The following GRK4 variants were observed in gnomAD, a reference collection of about 807,000 sequenced individuals.
GRK4 encodes the protein G protein-coupled receptor kinase 4.
In GRK4, 73 loss-of-function variants were observed where a neutral mutation model predicts 77.9. The ratio of observed to expected loss-of-function variants is 0.94; its 90% CI spans 0.78 to 1.14. The LOEUF is 1.14. Among genes scored for constraint, GRK4 ranks in the 50% most tolerant of loss-of-function variants. GRK4 has a pLI of 0.00. For synonymous variants in GRK4, 257 were observed against 254.4 expected, an observed-to-expected ratio of 1.01 and a Z score of -0.10; for missense variants, 729 against 700.2, an observed-to-expected ratio of 1.04 and a Z score of -0.46.
intron 7 of GRK4, 111 bp from the exon 8 acceptor site, chr4:3,013,577 A>C (rs991951705): frequency 1.5e-6 from 2 of 1,312,554 alleles, no homozygotes; most frequent in South Asian, 1.5e-5. Flanking sequence ...CTCCTCATGC[A>C]CTGCTGCTGG....
At position 2,963,933 on chromosome 4, in the gene GRK4, C is replaced by T. The variant is rs771383653; in HGVS notation, c.-138C>T. ...GTGGCAGTGGTGGCGGCGGAGCAGCCTCCCGGGATCGTGTCCGGAGCTCGA... is the reference window on the plus strand; with the variant it reads ...GTGGCAGTGGTGGCGGCGGAGCAGCTTCCCGGGATCGTGTCCGGAGCTCGA... On this transcript the variant is annotated 5_prime_UTR_variant, in exon 1 of 16. Transcript: ENST00000398052. The T allele has an allele frequency of 2.2e-5, 18 of 811,226 alleles. No individual in the cohort carries two copies. Among genetic ancestry groups the T allele is most frequent in the South Asian group, 4.4e-5 (3 of 68,716 alleles). 50.3% of individuals were successfully genotyped at this position (811,226 alleles called of 1,614,324 possible).
intron 7 of GRK4, 41 bp from the exon 8 acceptor site, chr4:3,013,647 C>G (rs755973293): frequency 6.3e-7 from 1 of 1,577,056 alleles, no homozygotes; most frequent in African/African-American, 1.4e-5. Context: ...TAAGAAATGC[C>G]AGGTGGACAT....
Position 3,009,722 on chromosome 4 carries a change from G to T in GRK4, c.600+11G>T. On this transcript the variant is annotated intron_variant, in intron 7 of 15. Transcript: ENST00000398052. ...GGCGGATTTGGAGAGGTGAGTAACGGGAGCCAGTTCATAGCAGCGCTGCTA... is the reference window on the plus strand; with the variant it reads ...GGCGGATTTGGAGAGGTGAGTAACGTGAGCCAGTTCATAGCAGCGCTGCTA... 6.2e-7 allele frequency: 1 copy of T among 1,609,932 alleles called. No individual in the cohort carries two copies. Among genetic ancestry groups the T allele is most frequent in the Non-Finnish European group, 8.5e-7 (1 of 1,176,236 alleles).
intron 8 of GRK4, among the ~76,000 whole-genome samples, chr4:3,019,104 A>G (rs1360159115): frequency 2.6e-5 from 4 of 152,194 alleles, no homozygotes; most frequent in Non-Finnish European, 1.5e-5. Context: ...GGCATTTCAC[A>G]AAAGAGGATC....
Position 2,974,155 on chromosome 4 carries a change from C to T in GRK4, c.52+10033C>T, listed in dbSNP as rs190288148. On this transcript the variant is annotated intron_variant, in intron 1 of 15. Coordinates refer to ENST00000398052, the MANE Select transcript of GRK4 (RefSeq NM_182982.3). The stretch of plus-strand genomic sequence containing the variant: ...CACCACCACACCCGGCTCTCATTTA[C>T]TCTTTATTTTTCTTCCTTTATTTTT... Among the ~76,000 whole-genome samples, 98 of 152,288 alleles carry T rather than the reference C, an allele frequency of 6.4e-4. 2 individuals carry two copies. Among genetic ancestry groups the T allele is most frequent in the Middle Eastern group, 3.4e-3 (1 of 294 alleles).
At chr4:3,033,448 C>T (rs1739715905) in intron 12 of GRK4, among the ~76,000 whole-genome samples, 1 of 152,216 alleles carries the variant, frequency 6.6e-6, no homozygotes. Context: ...GGGATACACA[C>T]ATTCAGAGCA....
chr4:2,992,514 C>CA lies in GRK4; in HGVS notation c.339+229dup, dbSNP rs1459978879. On this transcript the variant is annotated intron_variant, in intron 4 of 15. Coordinates refer to ENST00000398052, the MANE Select transcript of GRK4 (RefSeq NM_182982.3). Reference sequence around the variant, plus strand: ...GGCCAACATAGTGAGACCATCTCTACAAAAAAATAAACAAAAAAACTAGCT... The same window carrying CA: ...GGCCAACATAGTGAGACCATCTCTACAAAAAAAATAAACAAAAAAACTAGCT... Among the ~76,000 whole-genome samples the CA allele has an allele frequency of 6.6e-5, 10 of 151,770 alleles. No homozygotes were observed. In the East Asian group the frequency reaches 1.9e-3, roughly 29 times the overall value.
chr4:2,964,749 AT>A lies in GRK4; in HGVS notation c.52+629del, dbSNP rs758748752. 5.9e-5 allele frequency among the ~76,000 whole-genome samples: 9 copies of A among 152,320 alleles called. No individual in the cohort carries two copies. In the East Asian group the frequency reaches 1.7e-3, roughly 29 times the overall value. ...ATTTAAAAATAGTAATAAGTACTGC[AT>A]TCATTCACTCCAAGAAAAGAAAAAG... On this transcript the variant is annotated intron_variant, in intron 1 of 15. Coordinates refer to ENST00000398052, the MANE Select transcript of GRK4 (RefSeq NM_182982.3).
chr4:2,993,367 C>CA (rs1726836839), intron 4 of GRK4, among the ~76,000 whole-genome samples: 1 of 152,020 alleles, frequency 6.6e-6, no homozygotes, highest in Non-Finnish European at 1.5e-5. Context: ...ACAGGGATAG[C>CA]AAACATGTAA....
chr4:3,011,611 G>GT (rs1278546097), intron 7 of GRK4, among the ~76,000 whole-genome samples: 1 of 152,210 alleles, frequency 6.6e-6, no homozygotes, highest in African/African-American at 2.4e-5. Flanking sequence ...CCCAGAGGCA[G>GT]TGAGCAGTCA....
chr4:3,026,335 G>A (rs947427473), intron 10 of GRK4, among the ~76,000 whole-genome samples: 6 of 152,126 alleles, frequency 3.9e-5, no homozygotes, highest in Non-Finnish European at 8.8e-5. Context: ...GTAGTTTTAA[G>A]TTGCATTTCT....
chr4:3,015,816 G>A (rs1045397601), intron 8 of GRK4, among the ~76,000 whole-genome samples: 2 of 152,008 alleles, frequency 1.3e-5, no homozygotes, highest in Non-Finnish European at 2.9e-5. Context: ...GCTCATGCCT[G>A]TCATTTCAGC....
At chr4:3,038,566 C>A (rs1325740910) in intron 15 of GRK4, 53 bp downstream of exon 15, 17 of 1,107,008 alleles carry the variant, frequency 1.5e-5, no homozygotes, top group Non-Finnish European at 2.1e-5. Flanking sequence ...AAAAAAAAAA[C>A]ATACTGACTG....
chr4:3,036,229 T>C (rs148630820), intron 13 of GRK4, among the ~76,000 whole-genome samples: 86 of 152,352 alleles, frequency 5.6e-4, no homozygotes, highest in Middle Eastern at 3.4e-3. Flanking sequence ...CCCACTCTGC[T>C]TCTCATGAGG....
chr4:3,029,346 CA>C lies in GRK4; in HGVS notation c.1208del (p.Lys403ArgfsTer41). On this transcript the variant is annotated frameshift_variant, in exon 12 of 16. Transcript: ENST00000398052. LOFTEE classifies it high-confidence loss of function. ...AATGGGAGGAGGTCGATCAAAGAAT[CA>C]AGAATGATACCGAGGAGTATTCTGA... is the stretch of plus-strand genomic sequence containing the variant. ...VKWEEVDQRI[K>X]NDTEEYSEKF... 1 of 1,614,122 alleles carries C rather than the reference CA, an allele frequency of 6.2e-7. No individual in the cohort carries two copies. Among genetic ancestry groups the C allele is most frequent in the Non-Finnish European group, 8.5e-7 (1 of 1,179,996 alleles).
intron 1 of GRK4, among the ~76,000 whole-genome samples, chr4:2,972,219 C>G (rs764744199): frequency 3.3e-5 from 5 of 152,140 alleles, no homozygotes; most frequent in Non-Finnish European, 7.3e-5. Flanking sequence ...AGTATGCTGC[C>G]CAGACTTTAG....
intron 14 of GRK4, 100 bp from the exon 15 acceptor site, chr4:3,038,276 G>GC: frequency 1.4e-6 from 2 of 1,462,184 alleles, no homozygotes; most frequent in South Asian, 2.5e-5. Flanking sequence ...GCTCTGAGGT[G>GC]CCCCGCACGG....
intron 3 of GRK4, among the ~76,000 whole-genome samples, chr4:2,991,353 A>T (rs1273065034): frequency 1.3e-5 from 2 of 152,206 alleles, no homozygotes. Flanking sequence ...AATCGTATGT[A>T]CAAGTACCTT....
intron 4 of GRK4, among the ~76,000 whole-genome samples, chr4:2,997,415 A>C (rs371092461): frequency 6.6e-6 from 1 of 152,222 alleles, no homozygotes; most frequent in Non-Finnish European, 1.5e-5. Flanking sequence ...CTAGGAATGA[A>C]ATTAGTCCCT....
Sources: gnomAD v4.1 joint callset for allele counts (sites outside exome capture counted in the v4.1 genomes callset) on GRCh38, gnomAD v4.1.1 for gene constraint, MANE v1.5 for transcripts, NCBI Gene and HGNC (gene_info 2026-07-23, HGNC 2026-07-21) for gene names.